CSMD1: variants seen among roughly 807,000 people sequenced by gnomAD.
CSMD1 encodes CUB and Sushi multiple domains 1.
A neutral mutation model predicts 417.5 loss-of-function variants in CSMD1; 213 were observed. The ratio of observed to expected loss-of-function variants is 0.51; its 90% CI spans 0.46 to 0.57. The LOEUF is 0.57. Ranked by LOEUF, CSMD1 falls within the 20% of genes least tolerant of loss-of-function variation. The probability of loss-of-function intolerance (pLI) is 0.00; values close to 1 mark genes in which losing one functional copy is unlikely to be tolerated. For synonymous variants in CSMD1, 2,862 were observed against 1,736.8 expected, an observed-to-expected ratio of 1.65 and a Z score of -16.11; for missense variants, 6,923 against 4,529.7, an observed-to-expected ratio of 1.53 and a Z score of -15.17.
At chr8:4,004,629 A>C (rs1465309444) in intron 4 of CSMD1, among the ~76,000 whole-genome samples, 1 of 152,104 alleles carries the variant, frequency 6.6e-6, no homozygotes, top group East Asian at 1.9e-4. Flanking sequence ...TCTACAATAT[A>C]TTTTAGATTT....
At chr8:3,160,128 T>G (rs1488931315) in intron 38 of CSMD1, among the ~76,000 whole-genome samples, 1 of 152,116 alleles carries the variant, frequency 6.6e-6, no homozygotes, top group East Asian at 1.9e-4. Flanking sequence ...ATTCTTTTCT[T>G]TTTTTCTTTT....
At chr8:4,667,181 G>A (rs1804992537) in intron 1 of CSMD1, among the ~76,000 whole-genome samples, 1 of 151,904 alleles carries the variant, frequency 6.6e-6, no homozygotes, top group Non-Finnish European at 1.5e-5. Context: ...GCCTATTTGT[G>A]GACTCTATTT....
chr8:4,727,001 A>G (rs1419020339), intron 1 of CSMD1, among the ~76,000 whole-genome samples: 1 of 152,152 alleles, frequency 6.6e-6, no homozygotes, highest in Non-Finnish European at 1.5e-5. Context: ...AGACCCCTAT[A>G]TGTCATACTG....
intron 37 of CSMD1, among the ~76,000 whole-genome samples, chr8:3,173,120 G>A (rs1037305633): frequency 2.0e-5 from 3 of 152,172 alleles, no homozygotes; most frequent in Non-Finnish European, 4.4e-5. Context: ...GTCAACTGAA[G>A]CACCATGTGA....
intron 18 of CSMD1, among the ~76,000 whole-genome samples, chr8:3,378,358 C>G (rs1358626437): frequency 6.6e-6 from 1 of 152,058 alleles, no homozygotes; most frequent in Non-Finnish European, 1.5e-5. Context: ...GAAACTATTC[C>G]AGACAATAAA....
intron 5 of CSMD1, among the ~76,000 whole-genome samples, chr8:3,804,712 A>G (rs1485647246): frequency 6.6e-6 from 1 of 152,220 alleles, no homozygotes; most frequent in African/African-American, 2.4e-5. Flanking sequence ...AAACACATAT[A>G]TTTGTGTATG....
chr8:4,992,649 T>C (rs984740712), intron 1 of CSMD1, among the ~76,000 whole-genome samples: 11 of 152,168 alleles, frequency 7.2e-5, no homozygotes, highest in African/African-American at 2.7e-4. Context: ...CCCTAGACTT[T>C]AGCTGCCTCG....
intron 3 of CSMD1, among the ~76,000 whole-genome samples, chr8:4,228,561 T>A (rs1801508568): frequency 6.7e-6 from 1 of 149,826 alleles, no homozygotes; most frequent in African/African-American, 2.5e-5. Context: ...ACTTTTAGTA[T>A]CCTTGGCAAT....
intron 3 of CSMD1, among the ~76,000 whole-genome samples, chr8:4,280,198 A>T (rs1187563685): frequency 6.6e-6 from 1 of 152,256 alleles, no homozygotes; most frequent in African/African-American, 2.4e-5. Context: ...TTTCTTAAGC[A>T]AGCATAGGCC....
intron 5 of CSMD1, among the ~76,000 whole-genome samples, chr8:3,932,130 C>T (rs1232665602): frequency 6.7e-6 from 1 of 150,006 alleles, no homozygotes; most frequent in East Asian, 2.0e-4. Flanking sequence ...GATTTTATGG[C>T]TTATATATTG....
At chr8:4,916,978 A>T (rs1018810223) in intron 1 of CSMD1, among the ~76,000 whole-genome samples, 2 of 152,212 alleles carry the variant, frequency 1.3e-5, no homozygotes, top group Non-Finnish European at 2.9e-5. Context: ...AGGGTTCAGT[A>T]GGTGTATTAG....
chr8:4,561,832 G>C (rs756852079), intron 2 of CSMD1, among the ~76,000 whole-genome samples: 25 of 152,208 alleles, frequency 1.6e-4, no homozygotes, highest in Admixed American at 2.6e-4. Context: ...CTGCTGAGGG[G>C]ATGGAGTCCC....
chr8:3,094,692 A>G lies in CSMD1; in HGVS notation c.7138+2157T>C, dbSNP rs186020241. ...TTTTAAAAAGCATTATGGGATATCC[A>G]CTACTTAAGCCATAGAGAGTAATAT... On this transcript the variant is annotated intron_variant, in intron 47 of 69. Coordinates refer to ENST00000635120, the MANE Select transcript of CSMD1 (RefSeq NM_033225.6). Among the ~76,000 whole-genome samples the G allele has an allele frequency of 2.5e-3, 385 of 152,104 alleles. 1 individual carries two copies. Among genetic ancestry groups the G allele is most frequent in the African/African-American group, 9.0e-3 (373 of 41,482 alleles).
intron 2 of CSMD1, among the ~76,000 whole-genome samples, chr8:4,557,234 T>C (rs1048040800): frequency 6.6e-6 from 1 of 152,164 alleles, no homozygotes; most frequent in African/African-American, 2.4e-5. Flanking sequence ...CTACCCTCAG[T>C]GCTATTCCTA....
chr8:4,027,906 G>T (rs955251604), intron 4 of CSMD1, among the ~76,000 whole-genome samples: 2 of 152,066 alleles, frequency 1.3e-5, no homozygotes, highest in African/African-American at 2.4e-5. Context: ...TTTTTTCTGA[G>T]AGTGAGAATG....
intron 12 of CSMD1, among the ~76,000 whole-genome samples, chr8:3,456,371 C>G (rs998355010): frequency 2.0e-5 from 3 of 152,046 alleles, no homozygotes; most frequent in Non-Finnish European, 4.4e-5. Context: ...GCAGAAATCA[C>G]CCACCTTCTG....
intron 39 of CSMD1, among the ~76,000 whole-genome samples, chr8:3,151,980 C>G (rs778337038): frequency 1.3e-5 from 2 of 152,268 alleles, no homozygotes; most frequent in Non-Finnish European, 2.9e-5. Context: ...ATGAAGAAAC[C>G]AAGCCTGGAA....
intron 10 of CSMD1, among the ~76,000 whole-genome samples, chr8:3,536,465 C>T (rs1423701683): frequency 6.6e-6 from 1 of 152,176 alleles, no homozygotes; most frequent in African/African-American, 2.4e-5. Context: ...GAAGTTGGGC[C>T]AGGTTTCCTC....
intron 3 of CSMD1, among the ~76,000 whole-genome samples, chr8:4,055,601 G>A (rs1237776781): frequency 2.0e-5 from 3 of 151,770 alleles, no homozygotes; most frequent in African/African-American, 4.8e-5. Flanking sequence ...ATAACGTTAA[G>A]AATTTTAATG....
Sources: gnomAD v4.1 joint callset for allele counts (sites outside exome capture counted in the v4.1 genomes callset) on GRCh38, gnomAD v4.1.1 for gene constraint, MANE v1.5 for transcripts, NCBI Gene and HGNC (gene_info 2026-07-23, HGNC 2026-07-21) for gene names.